Variants in CHL1 observed in about 807,000 individuals in gnomAD.
CHL1 encodes the protein neural cell adhesion molecule L1-like protein.
A neutral mutation model predicts 141.9 loss-of-function variants in CHL1; 96 were observed. The ratio of observed to expected loss-of-function variants is 0.68; its 90% CI spans 0.57 to 0.80. The LOEUF (loss-of-function observed/expected upper bound fraction) is 0.80, where lower values mean the gene tolerates loss of function less well. CHL1 is among the 30% of genes least tolerant of loss of function. The pLI is 0.00. For missense variants in CHL1, 1,820 were observed against 1,457.2 expected, an observed-to-expected ratio of 1.25 and a Z score of -4.05; for synonymous variants, 613 against 502.2, an observed-to-expected ratio of 1.22 and a Z score of -2.95.
chr3:356,363 A>G (rs948446221), intron 11 of CHL1, among the ~76,000 whole-genome samples: 3 of 152,218 alleles, frequency 2.0e-5, no homozygotes, highest in African/African-American at 2.4e-5. Context: ...AGAACTTTAT[A>G]AAGGAGGTGC....
chr3:218,819 C>A (rs1700553362), intron 1 of CHL1, among the ~76,000 whole-genome samples: 1 of 151,966 alleles, frequency 6.6e-6, no homozygotes, highest in South Asian at 2.1e-4. Flanking sequence ...AATGAGATAC[C>A]ATTTCGCACC....
At chr3:271,748 C>T (rs1695653696) in intron 2 of CHL1, among the ~76,000 whole-genome samples, 1 of 152,012 alleles carries the variant, frequency 6.6e-6, no homozygotes, top group Admixed American at 6.6e-5. Context: ...TTCAGAGAAA[C>T]CACAGAGAGA....
chr3:404,463 A>G (rs1386628447), intron 27 of CHL1, among the ~76,000 whole-genome samples: 1 of 152,176 alleles, frequency 6.6e-6, no homozygotes, highest in Non-Finnish European at 1.5e-5. Context: ...TTGGTACTTA[A>G]AAAAATCTTG....
chr3:328,319 T>A lies in CHL1; in HGVS notation c.350T>A (p.Ile117Asn), dbSNP rs1197800195. 1.2e-6 allele frequency: 2 copies of A among 1,611,746 alleles called. No individual in the cohort carries two copies. The highest frequency in any genetic ancestry group is 2.2e-5 in the East Asian group (1 of 44,794). ...YRCFASNKLGIAMSEEIEFIV... is the reference protein window; with the variant it reads ...YRCFASNKLGNAMSEEIEFIV... ...TGCTTTGCTTCAAATAAACTGGGAA[T>A]CGCTATGTCAGAAGAAATAGAATTT... is the stretch of plus-strand genomic sequence containing the variant. Residue 117 changes from isoleucine (I) to asparagine (N), a missense_variant, in exon 5 of 28, where the codon ATC becomes AAC. By Grantham distance (149) the Ile-to-Asn change is moderately radical (BLOSUM62 -3). Coordinates refer to ENST00000256509, the MANE Select transcript of CHL1 (RefSeq NM_006614.4).
At chr3:283,890 C>T (rs772572235) in intron 2 of CHL1, among the ~76,000 whole-genome samples, 1 of 152,160 alleles carries the variant, frequency 6.6e-6, no homozygotes, top group African/African-American at 2.4e-5. Flanking sequence ...TCTTTTATCA[C>T]AGTATGTATG....
At chr3:388,351 C>T (rs1390860843) in intron 19 of CHL1, among the ~76,000 whole-genome samples, 1 of 152,096 alleles carries the variant, frequency 6.6e-6, no homozygotes, top group Non-Finnish European at 1.5e-5. Context: ...AGTTCAAGAC[C>T]AGCCTGACCA....
intron 4 of CHL1, among the ~76,000 whole-genome samples, chr3:326,979 T>G (rs1353121200): frequency 2.0e-5 from 3 of 151,920 alleles, no homozygotes; most frequent in East Asian, 3.9e-4. Context: ...TAAGTATGGA[T>G]AGAATTACAA....
At position 406,860 on chromosome 3, in the gene CHL1, T is replaced by C. The variant is rs1434122858; in HGVS notation, c.*1149T>C. 1.3e-5 allele frequency: 2 copies of C among 152,110 alleles called. No homozygotes were observed. Among genetic ancestry groups the C allele is most frequent in the African/African-American group, 4.8e-5 (2 of 41,436 alleles). 9.4% of individuals were successfully genotyped at this position (152,110 alleles called of 1,614,324 possible). ...AATATCATATAAATATTGAGGGAAA[T>C]GTTTTCATATTTTTCAAAATAGGTT... is the stretch of plus-strand genomic sequence containing the variant. On this transcript the variant is annotated 3_prime_UTR_variant, in exon 28 of 28. Transcript: ENST00000256509.
intron 2 of CHL1, among the ~76,000 whole-genome samples, chr3:278,964 C>G (rs748046010): frequency 1.3e-5 from 2 of 152,158 alleles, no homozygotes; most frequent in Non-Finnish European, 2.9e-5. Context: ...TTCAAGCAAC[C>G]TTGAGCTTCC....
At chr3:397,717 GC>G (rs1446619254) in intron 24 of CHL1, among the ~76,000 whole-genome samples, 1 of 151,982 alleles carries the variant, frequency 6.6e-6, no homozygotes, top group Non-Finnish European at 1.5e-5. Flanking sequence ...GTACCTGCAA[GC>G]CTGCATTTCA....
chr3:274,866 G>A (rs1404414095), intron 2 of CHL1, among the ~76,000 whole-genome samples: 1 of 152,032 alleles, frequency 6.6e-6, no homozygotes, highest in East Asian at 1.9e-4. Flanking sequence ...ATTGAATCCT[G>A]TTGCTTTCTG....
rs868175740 is a variant in CHL1, at chr3:391,028, C to A, written c.2660C>A (p.Ser887Ter). 1 of 1,614,054 alleles carries A rather than the reference C, an allele frequency of 6.2e-7. No individual in the cohort carries two copies. The highest frequency in any genetic ancestry group is 8.5e-7 in the Non-Finnish European group (1 of 1,179,908). Residue 887 changes from serine to a stop codon, truncating the protein, a stop_gained, in exon 22 of 28, where the codon TCA becomes TAA. Transcript: ENST00000256509. LOFTEE classifies it high-confidence loss of function. ...AAAGAAGTGAACATTCTAAGATTTT[C>A]AGGACAAAGAAACTCTGGAATGGTT... Reference protein sequence around the residue: ...HPKEVNILRFSGQRNSGMVPS... With the variant: ...HPKEVNILRF
chr3:237,725 T>A (rs1424719613), intron 1 of CHL1, among the ~76,000 whole-genome samples: 1 of 152,366 alleles, frequency 6.6e-6, no homozygotes, highest in African/African-American at 2.4e-5. Flanking sequence ...ACATTAAAGG[T>A]ACTTGTATTA....
At chr3:378,733 C>T (rs1354927595) in intron 16 of CHL1, among the ~76,000 whole-genome samples, 1 of 152,136 alleles carries the variant, frequency 6.6e-6, no homozygotes, top group Non-Finnish European at 1.5e-5. Flanking sequence ...CTGGCTGTGT[C>T]CCACTGCCAA....
chr3:246,579 T>A (rs898216066), intron 2 of CHL1: 1 of 152,124 alleles, frequency 6.6e-6, no homozygotes, highest in African/African-American at 2.4e-5. Flanking sequence ...ATCTCTTGTT[T>A]GGAAATTTCC....
intron 3 of CHL1, among the ~76,000 whole-genome samples, chr3:322,647 T>TATATATATATATATATATATATAAA (rs1700673458): frequency 6.7e-5 from 3 of 44,778 alleles, no homozygotes; most frequent in Middle Eastern, 9.4e-3. Context: ...ATATATAAAA[T>TATATATATATATATATATATATAAA]ATATATATAT....
chr3:238,378 T>G (rs1250532937), intron 1 of CHL1, among the ~76,000 whole-genome samples: 2 of 151,526 alleles, frequency 1.3e-5, no homozygotes, highest in African/African-American at 4.9e-5. Flanking sequence ...AAACCTCCAG[T>G]GTTTAAAGAT....
intron 14 of CHL1, chr3:363,607 G>C (rs974154811): frequency 5.1e-6 from 2 of 394,846 alleles, no homozygotes. Flanking sequence ...AGGCAGCCAG[G>C]TGTCTGTAGT....
At chr3:228,853 G>A (rs1435431353) in intron 1 of CHL1, among the ~76,000 whole-genome samples, 1 of 152,090 alleles carries the variant, frequency 6.6e-6, no homozygotes, top group African/African-American at 2.4e-5. Context: ...TTTAATGGTG[G>A]ATTTGACCAT....
Sources: gnomAD v4.1 joint callset for allele counts (sites outside exome capture counted in the v4.1 genomes callset) on GRCh38, gnomAD v4.1.1 for gene constraint, MANE v1.5 for transcripts, NCBI Gene and HGNC (gene_info 2026-07-23, HGNC 2026-07-21) for gene names.